LGR4: variants seen among roughly 807,000 people sequenced by gnomAD.
The protein encoded by LGR4 is leucine-rich repeat-containing G protein-coupled receptor 4.
LGR4 carries 44 observed loss-of-function variants against 84.8 expected under a neutral mutation model. That is an observed-to-expected ratio of 0.52 (90% CI 0.41 to 0.67). The LOEUF (loss-of-function observed/expected upper bound fraction) is 0.67. LGR4 is among the 30% of genes least tolerant of loss of function. The pLI, the probability that LGR4 is intolerant of heterozygous loss-of-function variation, is 0.00. For synonymous variants in LGR4, 429 were observed against 434.3 expected, an observed-to-expected ratio of 0.99 and a Z score of 0.15; for missense variants, 1,032 against 1,131.4, an observed-to-expected ratio of 0.91 and a Z score of 1.26.
At chr11:27,429,459 G>T (rs1199865183) in intron 1 of LGR4, among the ~76,000 whole-genome samples, 1 of 151,634 alleles carries the variant, frequency 6.6e-6, no homozygotes, top group Admixed American at 6.6e-5. Flanking sequence ...CCCTAGCTTG[G>T]GTGACAGAAC....
Position 27,472,398 on chromosome 11 carries a change from G to T in LGR4, c.-96C>A. 1 of 1,012,680 alleles carries T rather than the reference G, an allele frequency of 9.9e-7. No individual in the cohort carries two copies. The highest frequency in any genetic ancestry group is 1.3e-6 in the Non-Finnish European group (1 of 795,688). The allele number at this position is 1,012,680 out of a possible 1,614,324, so 62.7% of individuals were successfully genotyped here. ...CCGCCCCCGGGCAGCCGGCCTGCGG[G>T]CTGGAGCGGGGGTCTCTTCCTCGGC... On this transcript the variant is annotated 5_prime_UTR_variant, in exon 1 of 18. Coordinates refer to ENST00000379214, the MANE Select transcript of LGR4 (RefSeq NM_018490.5).
At chr11:27,415,072 A>G (rs1863790434) in intron 1 of LGR4, among the ~76,000 whole-genome samples, 1 of 152,184 alleles carries the variant, frequency 6.6e-6, no homozygotes, top group Non-Finnish European at 1.5e-5. Context: ...CACGGGAGAT[A>G]CATTTGGCCT....
At chr11:27,423,856 T>A (rs949206118) in intron 1 of LGR4, among the ~76,000 whole-genome samples, 1 of 152,186 alleles carries the variant, frequency 6.6e-6, no homozygotes, top group Non-Finnish European at 1.5e-5. Flanking sequence ...TCAGAATGAA[T>A]CATATGGTCC....
intron 1 of LGR4, among the ~76,000 whole-genome samples, chr11:27,436,941 G>A (rs1864222356): frequency 1.3e-5 from 2 of 152,112 alleles, no homozygotes; most frequent in African/African-American, 2.4e-5. Context: ...AGGGATTTGA[G>A]GGGGTGGGAA....
In LGR4 at chr11:27,391,124, G is replaced by A. The variant is rs768029430; in HGVS notation, c.371C>T (p.Ala124Val). The A allele has an allele frequency of 6.2e-7, 1 of 1,609,986 alleles. No individual in the cohort carries two copies. Among genetic ancestry groups the A allele is most frequent in the East Asian group, 2.2e-5 (1 of 44,766 alleles). ...NNQLKTVPSEAIRGLSALQSL... is the reference protein window; with the variant it reads ...NNQLKTVPSEVIRGLSALQSL... ...CTGCAAAGCACTCAGCCCTCGAATGGCTTCACTGGGTACTGTTTTCAACTG... is the reference window on the plus strand; with the variant it reads ...CTGCAAAGCACTCAGCCCTCGAATGACTTCACTGGGTACTGTTTTCAACTG... Residue 124 changes from alanine (A) to valine (V), a missense_variant, in exon 4 of 18, where the codon GCC becomes GTC. By Grantham distance (64) the Ala-to-Val change is moderately conservative. Transcript: ENST00000379214.
At chr11:27,440,938 G>A (rs1033193945) in intron 1 of LGR4, among the ~76,000 whole-genome samples, 3 of 152,184 alleles carry the variant, frequency 2.0e-5, no homozygotes, top group Admixed American at 1.3e-4. Context: ...ACACATTATA[G>A]TGGCACAACG....
At chr11:27,406,995 G>T (rs955266405) in intron 2 of LGR4, among the ~76,000 whole-genome samples, 8 of 152,102 alleles carry the variant, frequency 5.3e-5, no homozygotes, top group Admixed American at 6.6e-5. Context: ...AAGACTATTT[G>T]AGACTATGCA....
chr11:27,377,928 A>G (rs537327795), intron 11 of LGR4, among the ~76,000 whole-genome samples: 1 of 152,304 alleles, frequency 6.6e-6, no homozygotes, highest in African/African-American at 2.4e-5. Context: ...CTATGTTTAG[A>G]TATACAAATA....
rs1863448019 is a variant in LGR4 at position 27,399,116 on chromosome 11, G to T, written c.258-6598C>A. Among the ~76,000 whole-genome samples the T allele has an allele frequency of 3.9e-5, 6 of 152,166 alleles. No individual in the cohort carries two copies. The South Asian group carries it at 1.2e-3, about 32-fold the overall frequency. ...GTAGAGACTGGGGTTTCACCAAGTT[G>T]GTCAGGCTGGTCTCAAACTCCTGAC... On this transcript the variant is annotated intron_variant, in intron 2 of 17. Coordinates refer to ENST00000379214, the MANE Select transcript of LGR4 (RefSeq NM_018490.5).
At position 27,379,854 on chromosome 11, in the gene LGR4, C is replaced by T. The variant is rs528636009; in HGVS notation, c.971+417G>A. Among the ~76,000 whole-genome samples the T allele has an allele frequency of 3.3e-5, 5 of 152,098 alleles. 1 individual carries two copies. The highest frequency in any genetic ancestry group is 3.3e-4 in the Admixed American group (5 of 15,254). On this transcript the variant is annotated intron_variant, in intron 10 of 17. Coordinates refer to ENST00000379214, the MANE Select transcript of LGR4 (RefSeq NM_018490.5). ...CTAGCTATATTTGCTCATCTATATG[C>T]TATCTCTGAGAATACTTTTGGTATT...
At chr11:27,372,462 A>G in intron 15 of LGR4, 64 bp from the exon 16 acceptor site, 1 of 982,352 alleles carries the variant, frequency 1.0e-6, no homozygotes, top group South Asian at 1.3e-5. Context: ...TTTGTTTTGT[A>G]AAAGTATTTT....
chr11:27,461,596 T>G (rs1864682104), intron 1 of LGR4, among the ~76,000 whole-genome samples: 1 of 151,730 alleles, frequency 6.6e-6, no homozygotes, highest in African/African-American at 2.4e-5. Context: ...CACAAATTCA[T>G]AAACTTTCTA....
chr11:27,420,469 T>G (rs1025674442), intron 1 of LGR4, among the ~76,000 whole-genome samples: 1 of 152,100 alleles, frequency 6.6e-6, no homozygotes, highest in African/African-American at 2.4e-5. Context: ...GTGAAGATGA[T>G]CGAATCAGAC....
intron 1 of LGR4, among the ~76,000 whole-genome samples, chr11:27,427,874 C>A (rs1864050851): frequency 6.6e-6 from 1 of 152,218 alleles, no homozygotes; most frequent in African/African-American, 2.4e-5. Context: ...TTCTCCTTCA[C>A]AACTTGTCTT....
intron 3 of LGR4, 90 bp downstream of exon 3, chr11:27,392,357 G>T (rs1863301135): frequency 5.9e-6 from 6 of 1,024,372 alleles, no homozygotes; most frequent in Non-Finnish European, 8.4e-6. Flanking sequence ...TGAACTAAAA[G>T]AAACTGTGCT....
chr11:27,383,228 G>A (rs1863131090), intron 6 of LGR4, among the ~76,000 whole-genome samples: 1 of 152,112 alleles, frequency 6.6e-6, no homozygotes, highest in South Asian at 2.1e-4. Flanking sequence ...CATACGATTT[G>A]CATGATTGAT....
chr11:27,435,420 CTAA>C (rs1311135774), intron 1 of LGR4, among the ~76,000 whole-genome samples: 1 of 151,932 alleles, frequency 6.6e-6, no homozygotes, highest in Non-Finnish European at 1.5e-5. Flanking sequence ...TGATCAAATT[CTAA>C]TGATGGTATT....
intron 4 of LGR4, 72 bp from the exon 5 acceptor site, chr11:27,385,540 C>A: frequency 1.1e-6 from 1 of 907,924 alleles, no homozygotes; most frequent in African/African-American, 1.7e-5. Context: ...TCTCACAACT[C>A]AAAGCTTTCA....
At chr11:27,458,512 AT>A (rs1411346160) in intron 1 of LGR4, among the ~76,000 whole-genome samples, 2 of 151,878 alleles carry the variant, frequency 1.3e-5, no homozygotes, top group Non-Finnish European at 2.9e-5. Flanking sequence ...CTATAAATTC[AT>A]AGTTTTTTTG....
Sources: gnomAD v4.1 joint callset for allele counts (sites outside exome capture counted in the v4.1 genomes callset) on GRCh38, gnomAD v4.1.1 for gene constraint, MANE v1.5 for transcripts, NCBI Gene and HGNC (gene_info 2026-07-23, HGNC 2026-07-21) for gene names.